The following RAB37 variants were observed in gnomAD, a reference collection of about 807,000 sequenced individuals.
RAB37 encodes ras-related protein Rab-37.
A neutral mutation model predicts 33.1 loss-of-function variants in RAB37; 29 were observed. That is an observed-to-expected ratio of 0.88 (90% CI 0.65 to 1.20). The LOEUF (loss-of-function observed/expected upper bound fraction) is 1.20. Among genes scored for constraint, RAB37 ranks in the 50% most tolerant of loss-of-function variants. RAB37 has a pLI of 0.00. For missense variants in RAB37, 299 were observed against 301.1 expected (o/e 0.99, Z 0.05); for synonymous variants, 128 against 119.5 (o/e 1.07, Z -0.47).
At chr17:74,728,400 T>A (rs777427886) in intron 1 of RAB37, among the ~76,000 whole-genome samples, 214 of 151,750 alleles carry the variant, frequency 1.4e-3, no homozygotes, top group Non-Finnish European at 2.3e-3. Context: ...TCTGTGTGCA[T>A]GTGTGTGTTC....
chr17:74,728,667 C>A (rs2034340045), intron 1 of RAB37, among the ~76,000 whole-genome samples: 1 of 145,236 alleles, frequency 6.9e-6, no homozygotes, highest in Non-Finnish European at 1.5e-5. Flanking sequence ...TCTGTGTATG[C>A]ATATGTTTGT....
intron 1 of RAB37, among the ~76,000 whole-genome samples, chr17:74,728,514 ATG>A (rs1212671918): frequency 2.0e-5 from 3 of 149,046 alleles, no homozygotes; most frequent in Non-Finnish European, 1.5e-5. Flanking sequence ...CTGTGTGTGC[ATG>A]TGTGTTTCTC....
At chr17:74,712,951 C>T (rs2034077611) in intron 1 of RAB37, 1 of 1,365,338 alleles carries the variant, frequency 7.3e-7, no homozygotes, top group Non-Finnish European at 1.0e-6. Context: ...TGCTGGTACT[C>T]ACTCTCGCCC....
intron 1 of RAB37, among the ~76,000 whole-genome samples, chr17:74,699,182 G>T (rs745732083): frequency 6.6e-6 from 1 of 152,200 alleles, no homozygotes; most frequent in Non-Finnish European, 1.5e-5. Context: ...CTCCCAAAGT[G>T]CTGGGATTAC....
rs572430988 is a variant in RAB37, at chr17:74,740,378, T to C, written c.94-390T>C. Among the ~76,000 whole-genome samples, 6 of 152,230 alleles carry C rather than the reference T, an allele frequency of 3.9e-5. 1 individual carries two copies. The highest frequency in any genetic ancestry group is 1.4e-4 in the African/African-American group (6 of 41,556). ...CATGCGTGTACTCACGAGCGGACGA[T>C]GGATGACACAAGTACACAGAGGGAC... On this transcript the variant is annotated intron_variant, in intron 1 of 8. Coordinates refer to ENST00000392613, the MANE Select transcript of RAB37 (RefSeq NM_001006638.3).
At chr17:74,679,110 C>CAA (rs36065654) in intron 1 of RAB37, among the ~76,000 whole-genome samples, 4 of 122,876 alleles carry the variant, frequency 3.3e-5, no homozygotes, top group Non-Finnish European at 5.2e-5. Flanking sequence ...GACTCTGTCT[C>CAA]AAAAAAAAAA....
intron 1 of RAB37, among the ~76,000 whole-genome samples, chr17:74,724,415 G>A (rs1480644598): frequency 6.6e-6 from 1 of 152,204 alleles, no homozygotes; most frequent in Non-Finnish European, 1.5e-5. Flanking sequence ...TGAATAGATG[G>A]GAGGTAGGTT....
At chr17:74,681,511 C>T (rs1354591020) in intron 1 of RAB37, among the ~76,000 whole-genome samples, 1 of 152,226 alleles carries the variant, frequency 6.6e-6, no homozygotes, top group Non-Finnish European at 1.5e-5. Flanking sequence ...CCATGACCAT[C>T]TCCAAAGACA....
At chr17:74,722,336 A>T (rs1294825418) in intron 1 of RAB37, among the ~76,000 whole-genome samples, 3 of 151,982 alleles carry the variant, frequency 2.0e-5, no homozygotes, top group African/African-American at 7.2e-5. Context: ...ATTGGCTTAC[A>T]TGACTGGGGG....
chr17:74,732,689 A>AGGTCTG (rs2034404374), upstream of RAB37, among the ~76,000 whole-genome samples: 12 of 41,568 alleles, frequency 2.9e-4, no homozygotes, highest in Non-Finnish European at 4.6e-4. Flanking sequence ...TGAGATGTGT[A>AGGTCTG]TGGTGTGATT....
chr17:74,695,207 C>A (rs2032313180), intron 1 of RAB37: 2 of 1,614,046 alleles, frequency 1.2e-6, no homozygotes, highest in South Asian at 2.2e-5. Context: ...CCTCAGCACC[C>A]AAGGTCAGAG....
At chr17:74,736,348 T>A (rs980440000), upstream of RAB37, among the ~76,000 whole-genome samples, 1 of 152,060 alleles carries the variant, frequency 6.6e-6, no homozygotes, top group Admixed American at 6.5e-5. Context: ...TGGGGGTAAT[T>A]GAAAGGTCGG....
chr17:74,724,388 C>G (rs1222305181), intron 1 of RAB37, among the ~76,000 whole-genome samples: 1 of 152,204 alleles, frequency 6.6e-6, no homozygotes, highest in East Asian at 1.9e-4. Context: ...TCTCAGTGAG[C>G]AGATGGGTGA....
chr17:74,729,493 T>C lies in RAB37; in HGVS notation c.183+127T>C, dbSNP rs989316177. 23 of 748,030 alleles carry C rather than the reference T, an allele frequency of 3.1e-5. 1 individual carries two copies. In the Admixed American group the frequency reaches 4.4e-4, roughly 14 times the overall value. The allele number at this position is 748,030 out of a possible 1,614,324, so 46.3% of individuals were successfully genotyped here. A position where few individuals can be genotyped will look rare whatever the true frequency, so the allele number is the denominator to read the frequency against. On this transcript the variant is annotated intron_variant, in intron 2 of 7. Coordinates refer to the RAB37 transcript ENST00000340415. This position sits in a 1 kb window ranked among gnomAD's most constrained non-coding sequence, Gnocchi z 4.2. ...ATTCAAGGAGGATTAAGGAGAAGAC[T>C]GTTCCCCAAGGTGTAGGAGGGTGTT...
intron 1 of RAB37, among the ~76,000 whole-genome samples, chr17:74,727,960 G>T (rs1054786594): frequency 6.6e-6 from 1 of 151,368 alleles, no homozygotes; most frequent in Non-Finnish European, 1.5e-5. Flanking sequence ...TCTGTGTGTC[G>T]GTGCCTGTGT....
intron 1 of RAB37, chr17:74,677,421 G>T (rs920559845): frequency 1.3e-5 from 2 of 152,038 alleles, no homozygotes; most frequent in African/African-American, 4.8e-5. Flanking sequence ...ATGAAACAAT[G>T]ATAATGATAA....
At position 74,689,130 on chromosome 17, in the gene RAB37, C is replaced by T. The variant is rs1282220842; in HGVS notation, c.72+17472C>T. On this transcript the variant is annotated intron_variant, in intron 1 of 7. Coordinates refer to the RAB37 transcript ENST00000340415. ...CCTGGCCAACATGGTGAAACCCTGT[C>T]TCTACTAAAAATACAAAATTAACCA... Among the ~76,000 whole-genome samples, 3 of 152,020 alleles carry T rather than the reference C, an allele frequency of 2.0e-5. No individual in the cohort carries two copies. In the East Asian group the frequency reaches 5.8e-4, roughly 29 times the overall value.
At chr17:74,695,402 C>T (rs1489966787) in intron 1 of RAB37, 2 of 945,630 alleles carry the variant, frequency 2.1e-6, no homozygotes, top group East Asian at 2.6e-5. Context: ...CTCTGCCAAG[C>T]ACCCTGAGCT....
Position 74,744,734 on chromosome 17 carries a change from C to G in RAB37, c.433-139C>G. ...CTGGGAGCTACACTGGGCAGAAACC[C>G]TGGCCCCAGGCCAATCACACCTGCC... On this transcript the variant is annotated intron_variant, in intron 6 of 8. Coordinates refer to ENST00000392613, the MANE Select transcript of RAB37 (RefSeq NM_001006638.3). The surrounding 1 kb of genome is among the most constrained non-coding windows in gnomAD (Gnocchi z 4.2). The G allele has an allele frequency of 9.9e-7, 1 of 1,010,234 alleles. No homozygotes were observed. Among genetic ancestry groups the G allele is most frequent in the South Asian group, 1.3e-5 (1 of 74,132 alleles). 62.6% of individuals were successfully genotyped at this position (1,010,234 alleles called of 1,614,324 possible).
Sources: allele counts gnomAD v4.1 joint callset (sites outside exome capture counted in the v4.1 genomes callset), GRCh38; gene constraint gnomAD v4.1.1; non-coding constraint Gnocchi (gnomAD v3.1); transcripts MANE v1.5; gene names NCBI Gene and HGNC (gene_info 2026-07-23, HGNC 2026-07-21).